LRMDA: variants seen among roughly 807,000 people sequenced by gnomAD.
LRMDA encodes the protein leucine-rich melanocyte differentiation-associated protein.
A neutral mutation model predicts 29.8 loss-of-function variants in LRMDA; 18 were observed. The observed-to-expected ratio is 0.60, with a 90% CI of 0.42 to 0.90. LRMDA has a LOEUF of 0.90. Ranked by LOEUF, LRMDA falls within the 40% of genes least tolerant of loss-of-function variation. The probability of loss-of-function intolerance (pLI) is 0.00; values close to 1 mark genes in which losing one functional copy is unlikely to be tolerated. For synonymous variants in LRMDA, 125 were observed against 109.4 expected (o/e 1.14, Z -0.89); for missense variants, 273 against 273.9 (o/e 1.00, Z 0.02).
intron 6 of LRMDA, among the ~76,000 whole-genome samples, chr10:76,475,063 G>A (rs1308458999): frequency 2.0e-5 from 3 of 151,610 alleles, no homozygotes; most frequent in African/African-American, 7.3e-5. Flanking sequence ...GCTACAATGT[G>A]GGTAAACCTT....
chr10:76,422,044 A>G (rs2132521590), intron 6 of LRMDA, among the ~76,000 whole-genome samples: 1 of 152,220 alleles, frequency 6.6e-6, no homozygotes, highest in South Asian at 2.1e-4. Flanking sequence ...ATCTATTTCC[A>G]GTTGCCCTTC....
At chr10:76,485,620 A>G (rs1045274584) in intron 6 of LRMDA, among the ~76,000 whole-genome samples, 5 of 151,828 alleles carry the variant, frequency 3.3e-5, no homozygotes, top group Middle Eastern at 3.2e-3. Context: ...CTTCATATCT[A>G]TCTGGATTTC....
At chr10:76,455,856 C>G (rs561325295) in intron 6 of LRMDA, among the ~76,000 whole-genome samples, 10 of 152,120 alleles carry the variant, frequency 6.6e-5, no homozygotes, top group Non-Finnish European at 1.3e-4. Context: ...AGGGAATGTC[C>G]CAAGGGATAT....
At position 76,557,435 on chromosome 10, in the gene LRMDA, G is replaced by A; in HGVS notation, c.*147G>A. The A allele has an allele frequency of 3.0e-6, 2 of 659,578 alleles. No homozygotes were observed. Among genetic ancestry groups the A allele is most frequent in the South Asian group, 1.9e-5 (1 of 53,154 alleles). The allele number at this position is 659,578 out of a possible 1,614,324, so 40.9% of individuals were successfully genotyped here. A position where few individuals can be genotyped will look rare whatever the true frequency, so the allele number is the denominator to read the frequency against. Reference sequence around the variant, plus strand: ...ACTTCAGCTTTTGGTACCTTCCGCTGACTTTGCCAGGCCTGTCAAGATGAT... The same window carrying A: ...ACTTCAGCTTTTGGTACCTTCCGCTAACTTTGCCAGGCCTGTCAAGATGAT... On this transcript the variant is annotated 3_prime_UTR_variant, in exon 7 of 7. Transcript: ENST00000611255.
chr10:75,610,007 C>T (rs1435862893), intron 2 of LRMDA, among the ~76,000 whole-genome samples: 1 of 152,138 alleles, frequency 6.6e-6, no homozygotes, highest in Non-Finnish European at 1.5e-5. Context: ...TCTAGGACTG[C>T]AAAATCCTGC....
At chr10:76,152,400 T>C (rs918844124) in intron 5 of LRMDA, among the ~76,000 whole-genome samples, 1 of 152,246 alleles carries the variant, frequency 6.6e-6, no homozygotes, top group African/African-American at 2.4e-5. Flanking sequence ...AGATATACCA[T>C]ATTTTATCTA....
chr10:75,599,986 C>G (rs994923166), intron 2 of LRMDA, among the ~76,000 whole-genome samples: 2 of 152,078 alleles, frequency 1.3e-5, no homozygotes, highest in South Asian at 2.1e-4. Flanking sequence ...TTTGTTATAC[C>G]CTGACCTTAC....
chr10:76,240,790 A>ATAGATAGG lies in LRMDA; in HGVS notation c.517-83604_517-83603insGTAGATAG, dbSNP rs1213320170. On this transcript the variant is annotated intron_variant, in intron 5 of 6. Transcript: ENST00000611255. ...GATAGATAGATAGATAGATAGATAG[A>ATAGATAGG]TAGATAGATAGATACACATATATAT... Among the ~76,000 whole-genome samples the ATAGATAGG allele has an allele frequency of 2.8e-5, 4 of 141,180 alleles. 1 individual carries two copies. Among genetic ancestry groups the ATAGATAGG allele is most frequent in the African/African-American group, 7.9e-5 (3 of 38,140 alleles). 92.6% of individuals were successfully genotyped at this position (141,180 alleles called of 152,430 possible).
chr10:75,658,153 T>C (rs1442828292), intron 2 of LRMDA, among the ~76,000 whole-genome samples: 1 of 151,944 alleles, frequency 6.6e-6, no homozygotes, highest in Non-Finnish European at 1.5e-5. Flanking sequence ...TTGAAGATAA[T>C]ATGGGGTGAA....
At chr10:75,972,591 G>A (rs538512374) in intron 2 of LRMDA, among the ~76,000 whole-genome samples, 11 of 152,020 alleles carry the variant, frequency 7.2e-5, no homozygotes, top group Admixed American at 2.0e-4. Context: ...GAAAAGAGTC[G>A]TTTCAGAGGC....
At chr10:75,934,401 G>C (rs1218265467) in intron 2 of LRMDA, among the ~76,000 whole-genome samples, 1 of 152,148 alleles carries the variant, frequency 6.6e-6, no homozygotes, top group Admixed American at 6.5e-5. Context: ...AGAGAGGAAA[G>C]GCCAGGAGAG....
At chr10:75,740,257 C>T (rs1470370493) in intron 2 of LRMDA, among the ~76,000 whole-genome samples, 1 of 152,190 alleles carries the variant, frequency 6.6e-6, no homozygotes, top group Non-Finnish European at 1.5e-5. Context: ...AATGCTGACG[C>T]AGACCGACGG....
At chr10:76,180,277 CTTTTTTT>C (rs34563574) in intron 5 of LRMDA, among the ~76,000 whole-genome samples, 257 of 89,860 alleles carry the variant, frequency 2.9e-3, no homozygotes, top group South Asian at 0.026. Context: ...TTGGAAAAAA[CTTTTTTT>C]TTTTTTTTTT....
At position 76,436,747 on chromosome 10, in the gene LRMDA, C is replaced by T. The variant is rs1450214153; in HGVS notation, c.601+112262C>T. On this transcript the variant is annotated intron_variant, in intron 6 of 6. Transcript: ENST00000611255. The stretch of plus-strand genomic sequence containing the variant: ...GACGTCCATTCACTTTATCTTTAGC[C>T]ATGGAATGCTGACAAGTATTCAGTA... 3.3e-5 allele frequency among the ~76,000 whole-genome samples: 5 copies of T among 152,142 alleles called. No homozygotes were observed. In the East Asian group the frequency reaches 7.7e-4, roughly 23 times the overall value.
chr10:76,138,099 G>T (rs1158284934), intron 5 of LRMDA, among the ~76,000 whole-genome samples: 1 of 152,096 alleles, frequency 6.6e-6, no homozygotes, highest in Non-Finnish European at 1.5e-5. Context: ...TTTAATTGGG[G>T]ATTAAAAAAT....
At chr10:76,344,914 G>T (rs891776569) in intron 6 of LRMDA, among the ~76,000 whole-genome samples, 3 of 137,392 alleles carry the variant, frequency 2.2e-5, no homozygotes, top group African/African-American at 8.0e-5. Context: ...AAAAAAAAAA[G>T]AAATCATACA....
intron 2 of LRMDA, among the ~76,000 whole-genome samples, chr10:75,982,314 T>A (rs1564622550): frequency 1.3e-5 from 2 of 152,116 alleles, no homozygotes; most frequent in African/African-American, 4.8e-5. Flanking sequence ...AAGGGGCGAT[T>A]CCCCCTTACA....
intron 5 of LRMDA, among the ~76,000 whole-genome samples, chr10:76,215,176 T>G (rs1189293905): frequency 1.3e-5 from 2 of 152,196 alleles, no homozygotes; most frequent in East Asian, 1.9e-4. Flanking sequence ...CTCATCAGTT[T>G]GCTATTTTAC....
chr10:76,006,682 C>T lies in LRMDA; in HGVS notation c.132-29326C>T, dbSNP rs1393088630. Among the ~76,000 whole-genome samples the T allele has an allele frequency of 4.6e-5, 7 of 152,074 alleles. No homozygotes were observed. The South Asian group carries it at 6.2e-4, about 14-fold the overall frequency. ...CTTTGAATTACTCCCATTAGTCAGT[C>T]GCTCTGACTTTTTCTTAGTGAGGGC... On this transcript the variant is annotated intron_variant, in intron 2 of 6. Transcript: ENST00000611255.
Sources: gnomAD v4.1 joint callset for allele counts (sites outside exome capture counted in the v4.1 genomes callset) on GRCh38, gnomAD v4.1.1 for gene constraint, MANE v1.5 for transcripts, NCBI Gene and HGNC (gene_info 2026-07-23, HGNC 2026-07-21) for gene names.